Variants in MAX observed in about 807,000 individuals in gnomAD.
The protein encoded by MAX is protein max.
MAX carries 3 observed loss-of-function variants against 22.3 expected under a neutral mutation model. The ratio of observed to expected loss-of-function variants is 0.13; its 90% CI spans 0.06 to 0.35. MAX has a LOEUF of 0.35. MAX is among the 10% of genes least tolerant of loss of function. The probability of loss-of-function intolerance (pLI) is 1.00; values close to 1 mark genes in which losing one functional copy is unlikely to be tolerated. For missense variants in MAX, 119 were observed against 209.4 expected (o/e 0.57, Z 2.66); for synonymous variants, 72 against 77.7 (o/e 0.93, Z 0.39).
At chr14:65,018,746 G>A (rs866145378) in intron 3 of MAX, among the ~76,000 whole-genome samples, 1 of 149,668 alleles carries the variant, frequency 6.7e-6, no homozygotes, top group Non-Finnish European at 1.5e-5. Context: ...GGAGGTGGAC[G>A]TTGCGACGAG....
chr14:65,018,753 C>T (rs1356693348), intron 3 of MAX, among the ~76,000 whole-genome samples: 1 of 144,320 alleles, frequency 6.9e-6, no homozygotes, highest in South Asian at 2.2e-4. Flanking sequence ...GACGTTGCGA[C>T]GAGCCAAGAT....
chr14:65,012,584 A>G lies in MAX; in HGVS notation c.172-6300T>C, dbSNP rs750431113. 2.6e-5 allele frequency among the ~76,000 whole-genome samples: 4 copies of G among 152,252 alleles called. No homozygotes were observed. The highest frequency in any genetic ancestry group is 5.9e-5 in the Non-Finnish European group (4 of 68,042). ...GAAAGGGCAGAACCTAGTCTCTTCC[A>G]GAGTGAGTGGAGCACCCTAGATAGG... On this transcript the variant is annotated intron_variant, in intron 3 of 3. Transcript: ENST00000341653. The surrounding 1 kb of genome is among the most constrained non-coding windows in gnomAD (Gnocchi z 5.0).
At chr14:65,097,888 A>C (rs1013296809) in intron 2 of MAX, among the ~76,000 whole-genome samples, 1 of 152,210 alleles carries the variant, frequency 6.6e-6, no homozygotes, top group African/African-American at 2.4e-5. Flanking sequence ...CAATTTTCCA[A>C]TACCTGTCCT....
In MAX at chr14:65,056,530, G is replaced by A. The variant is rs553448575; in HGVS notation, c.171+37178C>T. Among the ~76,000 whole-genome samples, 5 of 152,272 alleles carry A rather than the reference G, an allele frequency of 3.3e-5. No individual in the cohort carries two copies. In the East Asian group the frequency reaches 9.7e-4, roughly 29 times the overall value. On this transcript the variant is annotated intron_variant, in intron 3 of 3. Coordinates refer to the MAX transcript ENST00000341653. ...ACCTTTTCCTTTTTGCCAATTTGAT[G>A]GGTGTGAAGTGGTATTTGTTTGATT...
intron 3 of MAX, among the ~76,000 whole-genome samples, chr14:65,019,810 C>G (rs1253227456): frequency 1.3e-5 from 2 of 152,190 alleles, no homozygotes; most frequent in East Asian, 3.8e-4. Flanking sequence ...CCTACTGGCT[C>G]TGACCCATAA....
rs1056135353 is a variant in MAX at position 65,082,569 on chromosome 14, G to A, written c.172-4533C>T. ...ACTAGGGCTCAGGTGTTGGGGACCA[G>A]CCTAGAAAACACAGCAAGACACTTG... is the stretch of plus-strand genomic sequence containing the variant. On this transcript the variant is annotated intron_variant, in intron 3 of 4. Coordinates refer to ENST00000358664, the MANE Select transcript of MAX (RefSeq NM_002382.5). This position sits in a 1 kb window ranked among gnomAD's most constrained non-coding sequence, Gnocchi z 4.8. Among the ~76,000 whole-genome samples the A allele has an allele frequency of 6.6e-6, 1 of 152,052 alleles. No homozygotes were observed. Among genetic ancestry groups the A allele is most frequent in the African/African-American group, 2.4e-5 (1 of 41,404 alleles).
chr14:65,051,288 A>G (rs1399070479), intron 3 of MAX, among the ~76,000 whole-genome samples: 1 of 152,210 alleles, frequency 6.6e-6, no homozygotes, highest in Non-Finnish European at 1.5e-5. Flanking sequence ...AAAGAAATTT[A>G]ATAAATTCTT....
In MAX at chr14:65,084,396, C is replaced by CAATAAAAA; in HGVS notation, c.172-6361_172-6360insTTTTTATT. 1 of 571,036 alleles carries CAATAAAAA rather than the reference C, an allele frequency of 1.8e-6. No individual in the cohort carries two copies. Among genetic ancestry groups the CAATAAAAA allele is most frequent in the Admixed American group, 3.0e-5 (1 of 33,774 alleles). 35.4% of individuals were successfully genotyped at this position (571,036 alleles called of 1,614,324 possible). On this transcript the variant is annotated intron_variant, in intron 3 of 4. Transcript: ENST00000358664. This position sits in a 1 kb window ranked among gnomAD's most constrained non-coding sequence, Gnocchi z 4.3. The stretch of plus-strand genomic sequence containing the variant: ...GTTTACTGAATTAGTTACCCTCTTC[C>CAATAAAAA]AAAAAAAAAAATTCCAGTGATAATG...
chr14:65,031,447 A>G lies in MAX; in HGVS notation c.172-25163T>C, dbSNP rs536240925. Among the ~76,000 whole-genome samples, 1 of 151,568 alleles carries G rather than the reference A, an allele frequency of 6.6e-6. No individual in the cohort carries two copies. The highest frequency in any genetic ancestry group is 6.6e-5 in the Admixed American group (1 of 15,244). On this transcript the variant is annotated intron_variant, in intron 3 of 3. Coordinates refer to the MAX transcript ENST00000341653. The surrounding 1 kb of genome is among the most constrained non-coding windows in gnomAD (Gnocchi z 4.6). ...GTTCTCCTGCCTCAGCCTCCCAAGT[A>G]GTTGGGACTACGGGCACACGCCACC...
chr14:65,040,246 ACT>A lies in MAX; in HGVS notation c.172-33964_172-33963del, dbSNP rs1491265324. On this transcript the variant is annotated intron_variant, in intron 3 of 3. Coordinates refer to the MAX transcript ENST00000341653. Reference sequence around the variant, plus strand: ...ATTTTATTTTAACTTGATGGTTATCACTATATATATATGTATATATATGTATA... The same window carrying A: ...ATTTTATTTTAACTTGATGGTTATCAATATATATATGTATATATATGTATA... Among the ~76,000 whole-genome samples, 4 of 146,576 alleles carry A rather than the reference ACT, an allele frequency of 2.7e-5. No homozygotes were observed. The East Asian group carries it at 7.2e-4, about 26-fold the overall frequency.
chr14:65,086,948 G>T (rs1291648005), intron 3 of MAX, among the ~76,000 whole-genome samples: 1 of 152,226 alleles, frequency 6.6e-6, no homozygotes, highest in Non-Finnish European at 1.5e-5. Flanking sequence ...GGGTCCACAG[G>T]TTGTATGCAG....
chr14:65,056,347 A>G (rs189384193), intron 3 of MAX, among the ~76,000 whole-genome samples: 3 of 152,304 alleles, frequency 2.0e-5, no homozygotes, highest in African/African-American at 7.2e-5. Context: ...ACAGTGTTGC[A>G]GTGAACGTTG....
chr14:65,028,732 T>A lies in MAX; in HGVS notation c.172-22448A>T, dbSNP rs2062027230. On this transcript the variant is annotated intron_variant, in intron 3 of 3. Transcript: ENST00000341653. This position sits in a 1 kb window ranked among gnomAD's most constrained non-coding sequence, Gnocchi z 4.4. ...TCCAACCAAAAAAATTAGATTAGGA[T>A]CTGTGTATACCAGTGAAACCAGTAG... Among the ~76,000 whole-genome samples, 1 of 152,230 alleles carries A rather than the reference T, an allele frequency of 6.6e-6. No individual in the cohort carries two copies.
In MAX at chr14:65,012,222, C is replaced by A; in HGVS notation, c.172-5938G>T. On this transcript the variant is annotated intron_variant, in intron 3 of 3. Coordinates refer to the MAX transcript ENST00000341653. This position sits in a 1 kb window ranked among gnomAD's most constrained non-coding sequence, Gnocchi z 5.0. ...GTGATTGCAGGGGGACGTCCTGAAG[C>A]TGAGTGTTTACCCGTGTGTGTGTAC... 1 of 1,499,650 alleles carries A rather than the reference C, an allele frequency of 6.7e-7. No individual in the cohort carries two copies. The highest frequency in any genetic ancestry group is 9.2e-7 in the Non-Finnish European group (1 of 1,084,482). The allele number at this position is 1,499,650 out of a possible 1,614,324, so 92.9% of individuals were successfully genotyped here.
chr14:65,092,865 C>A, intron 3 of MAX, among the ~76,000 whole-genome samples: 1 of 152,212 alleles, frequency 6.6e-6, no homozygotes, highest in East Asian at 1.9e-4. Context: ...CAGAATAGTT[C>A]CTTCTTTATA....
At position 65,054,806 on chromosome 14, in the gene MAX, TC is replaced by T; in HGVS notation, c.171+38901del. 8.8e-7 allele frequency: 1 copy of T among 1,140,526 alleles called. No individual in the cohort carries two copies. Among genetic ancestry groups the T allele is most frequent in the African/African-American group, 1.5e-5 (1 of 65,188 alleles). 70.7% of individuals were successfully genotyped at this position (1,140,526 alleles called of 1,614,324 possible). ...TGTGTGGACAGGCGGAAGCTTGTGG[TC>T]CCTCTGCCCTTCGAGCTGTGCAGCC... On this transcript the variant is annotated intron_variant, in intron 3 of 3. Transcript: ENST00000341653. The surrounding 1 kb of genome is among the most constrained non-coding windows in gnomAD (Gnocchi z 4.4).
In MAX at chr14:65,054,701, G is replaced by T; in HGVS notation, c.171+39007C>A. On this transcript the variant is annotated intron_variant, in intron 3 of 3. Coordinates refer to the MAX transcript ENST00000341653. This position sits in a 1 kb window ranked among gnomAD's most constrained non-coding sequence, Gnocchi z 4.4. The stretch of plus-strand genomic sequence containing the variant: ...CCGAAAACGCTCTGGTAAGACGGGT[G>T]CAGGGCTTCACACCCCTTCTCCACA... The T allele has an allele frequency of 2.5e-6, 4 of 1,597,802 alleles. No homozygotes were observed. The highest frequency in any genetic ancestry group is 3.4e-6 in the Non-Finnish European group (4 of 1,172,038).
In MAX at chr14:65,084,381, T is replaced by A. The variant is rs1036508321; in HGVS notation, c.172-6345A>T. ...AAATTACTAACTTTTGTTTACTGAA[T>A]TAGTTACCCTCTTCCAAAAAAAAAA... On this transcript the variant is annotated intron_variant, in intron 3 of 4. Coordinates refer to ENST00000358664, the MANE Select transcript of MAX (RefSeq NM_002382.5). The surrounding 1 kb of genome is among the most constrained non-coding windows in gnomAD (Gnocchi z 4.3). The A allele has an allele frequency of 1.1e-6, 1 of 891,200 alleles. No homozygotes were observed. The highest frequency in any genetic ancestry group is 1.8e-6 in the Non-Finnish European group (1 of 550,062). 55.2% of individuals were successfully genotyped at this position (891,200 alleles called of 1,614,324 possible).
chr14:65,070,635 G>A (rs1311227962), downstream of MAX, among the ~76,000 whole-genome samples: 1 of 152,250 alleles, frequency 6.6e-6, no homozygotes, highest in Non-Finnish European at 1.5e-5. This position sits in a 1 kb window ranked among gnomAD's most constrained non-coding sequence, Gnocchi z 4.4. Context: ...GTGTGCGAGC[G>A]TGCACATGGG....
Sources: gnomAD v4.1 joint callset for allele counts (sites outside exome capture counted in the v4.1 genomes callset) on GRCh38, gnomAD v4.1.1 for gene constraint, Gnocchi (gnomAD v3.1) non-coding constraint, MANE v1.5 for transcripts, NCBI Gene and HGNC (gene_info 2026-07-23, HGNC 2026-07-21) for gene names.